The following BBX variants were observed in gnomAD, a reference collection of about 807,000 sequenced individuals.
BBX encodes BBX high mobility group box domain containing, also known as HMG box transcription factor BBX.
Under a neutral mutation model 100.2 loss-of-function variants are expected in BBX, and 30 were observed. That is an observed-to-expected ratio of 0.30 (90% confidence interval 0.22 to 0.41). The LOEUF (loss-of-function observed/expected upper bound fraction) is 0.41. Ranked by LOEUF, BBX falls within the 10% of genes least tolerant of loss-of-function variation. The probability of loss-of-function intolerance (pLI) is 1.00; values close to 1 mark genes in which losing one functional copy is unlikely to be tolerated. For missense variants in BBX, 1,023 were observed against 1,129.8 expected (o/e 0.91, Z 1.35); for synonymous variants, 376 against 388.1 (o/e 0.97, Z 0.37).
chr3:107,676,575 A>G (rs765705388), intron 3 of BBX, among the ~76,000 whole-genome samples: 3 of 152,218 alleles, frequency 2.0e-5, no homozygotes, highest in Non-Finnish European at 2.9e-5. Flanking sequence ...TTTTATCATC[A>G]TCATCTGAAG....
chr3:107,761,942 T>C (rs894852446), intron 10 of BBX, among the ~76,000 whole-genome samples: 1 of 152,184 alleles, frequency 6.6e-6, no homozygotes, highest in African/African-American at 2.4e-5. Flanking sequence ...CATCCTATGG[T>C]AACCCCCTTA....
At chr3:107,769,744 G>A (rs1325476577) in intron 10 of BBX, among the ~76,000 whole-genome samples, 1 of 152,134 alleles carries the variant, frequency 6.6e-6, no homozygotes. Flanking sequence ...AAGCAGAACT[G>A]TTGTCTGATA....
chr3:107,555,633 A>C (rs2050039760), intron 2 of BBX, among the ~76,000 whole-genome samples: 1 of 152,224 alleles, frequency 6.6e-6, no homozygotes, highest in Non-Finnish European at 1.5e-5. Flanking sequence ...GAAAGATGTG[A>C]GTTAAAGAAG....
At chr3:107,796,045 T>C (rs906952456) in intron 15 of BBX, among the ~76,000 whole-genome samples, 3 of 152,196 alleles carry the variant, frequency 2.0e-5, no homozygotes, top group Non-Finnish European at 4.4e-5. Context: ...TGGTAGCCTA[T>C]GTAGCAAAGT....
intron 3 of BBX, among the ~76,000 whole-genome samples, chr3:107,667,674 A>G (rs1386745432): frequency 1.3e-5 from 2 of 151,950 alleles, no homozygotes; most frequent in African/African-American, 2.4e-5. Flanking sequence ...TGAACTGCAT[A>G]TTTTTTACTC....
chr3:107,735,673 T>C (rs77891501), intron 7 of BBX, among the ~76,000 whole-genome samples: 7,170 of 151,972 alleles, frequency 0.047, 522 homozygotes, highest in African/African-American at 0.16. Context: ...GTAACTGAAA[T>C]AATAAAGTCC....
chr3:107,671,010 G>C (rs190110495), intron 3 of BBX, among the ~76,000 whole-genome samples: 3 of 151,928 alleles, frequency 2.0e-5, no homozygotes, highest in Non-Finnish European at 2.9e-5. Context: ...TGAGATTTAC[G>C]TAGATCAGAT....
chr3:107,786,974 G>A (rs1017495992), intron 13 of BBX, among the ~76,000 whole-genome samples: 3 of 152,132 alleles, frequency 2.0e-5, no homozygotes, highest in African/African-American at 7.2e-5. Context: ...ACGGGCAAGT[G>A]ATCTGAATAG....
intron 3 of BBX, among the ~76,000 whole-genome samples, chr3:107,679,241 T>A (rs562238891): frequency 6.6e-6 from 1 of 152,270 alleles, no homozygotes; most frequent in South Asian, 2.1e-4. Flanking sequence ...GTTTGTAGTC[T>A]AGATAATAGA....
At chr3:107,710,407 T>C in intron 3 of BBX, 45 bp from the exon 4 acceptor site, 2 of 1,484,286 alleles carry the variant, frequency 1.3e-6, no homozygotes, top group Admixed American at 2.1e-5. Context: ...GTGTCTCTCT[T>C]TCTCTCCCTG....
At chr3:107,537,153 G>A (rs965961617) in intron 2 of BBX, among the ~76,000 whole-genome samples, 1 of 152,048 alleles carries the variant, frequency 6.6e-6, no homozygotes, top group Non-Finnish European at 1.5e-5. Context: ...ACATTTTTTG[G>A]ATAAAGATTT....
chr3:107,783,630 T>A (rs969326429), intron 13 of BBX, among the ~76,000 whole-genome samples: 1 of 152,008 alleles, frequency 6.6e-6, no homozygotes, highest in Non-Finnish European at 1.5e-5. Context: ...GAGTAGTAAT[T>A]TTTCTCCTTT....
At chr3:107,618,629 C>A (rs1198453652) in intron 2 of BBX, among the ~76,000 whole-genome samples, 2 of 151,890 alleles carry the variant, frequency 1.3e-5, no homozygotes, top group Non-Finnish European at 2.9e-5. Context: ...ATTTTCTCCC[C>A]CTTGAAACTT....
chr3:107,653,524 C>G (rs536678193), intron 3 of BBX, among the ~76,000 whole-genome samples: 1 of 152,198 alleles, frequency 6.6e-6, no homozygotes, highest in East Asian at 1.9e-4. Context: ...TCAAATTGAT[C>G]TATGAAGCTG....
chr3:107,596,929 G>C (rs1038150487), intron 2 of BBX, among the ~76,000 whole-genome samples: 1 of 152,144 alleles, frequency 6.6e-6, no homozygotes, highest in African/African-American at 2.4e-5. Flanking sequence ...CACTTGAAAG[G>C]TGTTTTGTGT....
At chr3:107,599,442 G>A (rs2053901688) in intron 2 of BBX, 1 of 152,108 alleles carries the variant, frequency 6.6e-6, no homozygotes. Flanking sequence ...GTTTCCTTTG[G>A]GGGATGAAGG....
chr3:107,767,779 A>T (rs967654205), intron 10 of BBX, among the ~76,000 whole-genome samples: 1 of 152,058 alleles, frequency 6.6e-6, no homozygotes, highest in Non-Finnish European at 1.5e-5. Flanking sequence ...TGCCCTGCCC[A>T]CTGCCTTCTG....
At chr3:107,774,895 G>T in intron 12 of BBX, 38 bp downstream of exon 12, 1 of 1,595,850 alleles carries the variant, frequency 6.3e-7, no homozygotes, top group Non-Finnish European at 8.5e-7. Flanking sequence ...TACTCCACAA[G>T]CCTCAAGTGT....
intron 2 of BBX, among the ~76,000 whole-genome samples, chr3:107,624,885 A>G (rs1163802251): frequency 6.6e-6 from 1 of 152,200 alleles, no homozygotes; most frequent in African/African-American, 2.4e-5. Flanking sequence ...AGAAAAAATA[A>G]AAAGTAGTTT....
Sources: gnomAD v4.1 joint callset for allele counts (sites outside exome capture counted in the v4.1 genomes callset) on GRCh38, gnomAD v4.1.1 for gene constraint, MANE v1.5 for transcripts, NCBI Gene and HGNC (gene_info 2026-07-23, HGNC 2026-07-21) for gene names.